HEPH: variants seen among roughly 807,000 people sequenced by gnomAD.
HEPH encodes hephaestin.
Under a neutral mutation model 80.8 loss-of-function variants are expected in HEPH, and 69 were observed. The observed-to-expected ratio is 0.85, with a 90% CI of 0.70 to 1.04. The LOEUF is 1.04. Ranked by LOEUF, HEPH falls within the 50% of genes least tolerant of loss-of-function variation. The pLI, the probability that HEPH is intolerant of heterozygous loss-of-function variation, is 0.00. For synonymous variants in HEPH, 431 were observed against 322.8 expected, an observed-to-expected ratio of 1.34 and a Z score of -3.60; for missense variants, 1,115 against 891.3, an observed-to-expected ratio of 1.25 and a Z score of -3.20.
intron 13 of HEPH, among the ~76,000 whole-genome samples, chrX:66,205,335 G>C (rs1167757422): frequency 9.0e-6 from 1 of 111,621 alleles, no homozygotes; most frequent in Non-Finnish European, 1.9e-5. Flanking sequence ...CCACTTATAA[G>C]TGAGAACTTT....
chrX:66,180,056 G>A (rs1251490295), intron 4 of HEPH, among the ~76,000 whole-genome samples: 1 of 111,245 alleles, frequency 9.0e-6, no homozygotes, highest in Non-Finnish European at 1.9e-5. Flanking sequence ...TTTAAGTGGG[G>A]CATTTAGGCC....
chrX:66,202,238 T>C (rs931984718), intron 12 of HEPH, among the ~76,000 whole-genome samples: 1 of 111,111 alleles, frequency 9.0e-6, no homozygotes, highest in Non-Finnish European at 1.9e-5. Flanking sequence ...AAGGTAGGAA[T>C]GAATGAGATG....
chrX:66,241,918 A>G (rs2090603345), intron 15 of HEPH, among the ~76,000 whole-genome samples: 1 of 111,369 alleles, frequency 9.0e-6, no homozygotes, highest in Admixed American at 9.6e-5. Context: ...AAGAATCATT[A>G]TTGTTAAAAT....
rs1348591130 is a variant in HEPH at position 66,184,229 on chromosome X, A to T, written c.626-4130A>T. On this transcript the variant is annotated intron_variant, in intron 4 of 20. Coordinates refer to ENST00000343002, the MANE Select transcript of HEPH (RefSeq NM_001367233.3). The stretch of plus-strand genomic sequence containing the variant: ...GATGTCTATTAGGTCTGCTTGGTGC[A>T]GAGCTGAGTTCAATTCCTGGGTGTC... 2.2e-4 allele frequency among the ~76,000 whole-genome samples: 13 copies of T among 59,862 alleles called. 1 individual carries two copies. Among genetic ancestry groups the T allele is most frequent in the Non-Finnish European group, 5.1e-5 (2 of 39,181 alleles). 52.0% of individuals were successfully genotyped at this position (59,862 alleles called of 115,157 possible).
intron 15 of HEPH, among the ~76,000 whole-genome samples, chrX:66,250,498 A>G (rs2090963639): frequency 1.8e-5 from 2 of 111,522 alleles, no homozygotes; most frequent in Non-Finnish European, 3.8e-5. Flanking sequence ...TAGAGCAGTT[A>G]CTTTCTTGCT....
chrX:66,238,902 T>G (rs1274593753), intron 15 of HEPH, among the ~76,000 whole-genome samples: 1 of 112,352 alleles, frequency 8.9e-6, no homozygotes, highest in African/African-American at 3.2e-5. Context: ...AATAAAGGGA[T>G]GGGTTGGGCT....
chrX:66,192,876 G>T (rs1014612824), intron 7 of HEPH, among the ~76,000 whole-genome samples: 3 of 111,252 alleles, frequency 2.7e-5, no homozygotes, highest in East Asian at 2.8e-4. Context: ...TCAGTTGCTG[G>T]GTCTTAAGTC....
chrX:66,218,061 G>T (rs1203226295), intron 15 of HEPH, among the ~76,000 whole-genome samples: 3 of 111,010 alleles, frequency 2.7e-5, no homozygotes, highest in Non-Finnish European at 5.7e-5. Flanking sequence ...AAAAAATGAG[G>T]CAGACAGCAA....
At chrX:66,248,111 T>TTC (rs967017649) in intron 15 of HEPH, among the ~76,000 whole-genome samples, 2 of 110,465 alleles carry the variant, frequency 1.8e-5, no homozygotes, top group Admixed American at 9.7e-5. Context: ...TGGTTATTAT[T>TTC]TCTCTCTCTC....
chrX:66,210,042 T>C (rs975915867), intron 15 of HEPH, among the ~76,000 whole-genome samples: 3 of 111,098 alleles, frequency 2.7e-5, no homozygotes, highest in African/African-American at 9.8e-5. Context: ...GAAGAGTATA[T>C]TGAATGAGAA....
chrX:66,239,692 G>A (rs1311693250), intron 15 of HEPH, among the ~76,000 whole-genome samples: 1 of 111,530 alleles, frequency 9.0e-6, no homozygotes, highest in Non-Finnish European at 1.9e-5. Context: ...AAATCCTATG[G>A]TTCCAGAGCA....
chrX:66,191,295 A>G (rs745632157), intron 6 of HEPH, among the ~76,000 whole-genome samples: 3 of 112,077 alleles, frequency 2.7e-5, no homozygotes, highest in Non-Finnish European at 5.6e-5. Flanking sequence ...GGATTGATAG[A>G]GATAACATAT....
rs780664092 is a variant in HEPH at position 66,246,610 on chromosome X, G to T, written c.2564-8425G>T. On this transcript the variant is annotated intron_variant, in intron 15 of 20. Coordinates refer to ENST00000343002, the MANE Select transcript of HEPH (RefSeq NM_001367233.3). ...GTGGGGGCAGTGTGTGGGGGCCAGGGTGATTCTGCTGTTCCCAGTCTTGCA... is the reference window on the plus strand; with the variant it reads ...GTGGGGGCAGTGTGTGGGGGCCAGGTTGATTCTGCTGTTCCCAGTCTTGCA... Among the ~76,000 whole-genome samples the T allele has an allele frequency of 6.3e-5, 7 of 111,205 alleles. No homozygotes were observed. The East Asian group carries it at 1.7e-3, about 27-fold the overall frequency.
At chrX:66,177,074 G>A (rs968134579) in intron 4 of HEPH, among the ~76,000 whole-genome samples, 6 of 111,316 alleles carry the variant, frequency 5.4e-5, no homozygotes, top group East Asian at 2.8e-4. Context: ...CTCATCTGAC[G>A]AAGGGCTAAT....
chrX:66,262,511 G>C lies in HEPH; in HGVS notation c.3200-1133G>C, dbSNP rs1428830873. 3.6e-5 allele frequency among the ~76,000 whole-genome samples: 4 copies of C among 111,625 alleles called. No homozygotes were observed. In the Admixed American group the frequency reaches 3.8e-4, roughly 11 times the overall value. ...TTTGAAATAGCCACTCTGGGGGATG[G>C]GAAATAAATAATTATCACCAGCCAG... is the stretch of plus-strand genomic sequence containing the variant. On this transcript the variant is annotated intron_variant, in intron 19 of 20. Transcript: ENST00000343002.
At chrX:66,249,460 C>T (rs772354889) in intron 15 of HEPH, among the ~76,000 whole-genome samples, 1 of 111,456 alleles carries the variant, frequency 9.0e-6, no homozygotes, top group African/African-American at 3.3e-5. Flanking sequence ...AGGTAAGGAA[C>T]AAATGAGGCT....
chrX:66,181,891 G>A (rs1170703455), intron 4 of HEPH, among the ~76,000 whole-genome samples: 3 of 106,925 alleles, frequency 2.8e-5, no homozygotes, highest in African/African-American at 1.0e-4. Flanking sequence ...GTGTAAGGAA[G>A]GGATCCAGTT....
At chrX:66,209,945 A>C (rs1333138485) in intron 15 of HEPH, among the ~76,000 whole-genome samples, 1 of 111,567 alleles carries the variant, frequency 9.0e-6, no homozygotes, top group African/African-American at 3.3e-5. Context: ...GGAGCCCAGG[A>C]GGAAAGTATG....
intron 4 of HEPH, among the ~76,000 whole-genome samples, chrX:66,174,446 T>C (rs1261165832): frequency 1.8e-5 from 2 of 112,282 alleles, no homozygotes; most frequent in African/African-American, 6.5e-5. Context: ...GATTTTGCAA[T>C]TGTGAATTGT....
Sources: allele counts gnomAD v4.1 joint callset (sites outside exome capture counted in the v4.1 genomes callset), GRCh38; gene constraint gnomAD v4.1.1; transcripts MANE v1.5; gene names NCBI Gene and HGNC (gene_info 2026-07-23, HGNC 2026-07-21).